The following HIPK3 variants were observed in gnomAD, a reference collection of about 807,000 sequenced individuals.
HIPK3 encodes the protein homeodomain-interacting protein kinase 3.
In HIPK3, 47 loss-of-function variants were observed where a neutral mutation model predicts 124.2. That is an observed-to-expected ratio of 0.38 (90% confidence interval 0.30 to 0.48). HIPK3 has a LOEUF of 0.48. Ranked by LOEUF, HIPK3 falls within the 20% of genes least tolerant of loss-of-function variation. The pLI, the probability that HIPK3 is intolerant of heterozygous loss-of-function variation, is 0.98. For synonymous variants in HIPK3, 482 were observed against 515.2 expected, an observed-to-expected ratio of 0.94 and a Z score of 0.87; for missense variants, 1,286 against 1,454.3, an observed-to-expected ratio of 0.88 and a Z score of 1.88.
At chr11:33,270,892 T>C (rs1192825230) in intron 1 of HIPK3, among the ~76,000 whole-genome samples, 1 of 152,214 alleles carries the variant, frequency 6.6e-6, no homozygotes, top group African/African-American at 2.4e-5. Context: ...GATAAAACAT[T>C]TAACTGACTT....
chr11:33,258,197 G>C (rs1486814824), intron 1 of HIPK3: 1 of 633,528 alleles, frequency 1.6e-6, no homozygotes, highest in Non-Finnish European at 2.0e-6. Flanking sequence ...CGGGGCCCGG[G>C]GGCCTCGGCC....
intron 2 of HIPK3, among the ~76,000 whole-genome samples, chr11:33,304,207 G>C (rs1852087589): frequency 6.6e-6 from 1 of 152,152 alleles, no homozygotes; most frequent in Admixed American, 6.5e-5. Context: ...CCAAAGTGCT[G>C]GGATTATGGG....
At chr11:33,311,837 T>TACACACACACACACACACACACACACAC (rs370396153) in intron 2 of HIPK3, among the ~76,000 whole-genome samples, 3 of 104,406 alleles carry the variant, frequency 2.9e-5, no homozygotes, top group Non-Finnish European at 5.7e-5. Context: ...ACCCTGTTTC[T>TACACACACACACACACACACACACACAC]ACACACACAC....
chr11:33,289,137 A>G (rs1303966431), intron 2 of HIPK3, among the ~76,000 whole-genome samples: 3 of 152,178 alleles, frequency 2.0e-5, no homozygotes, highest in African/African-American at 7.2e-5. Flanking sequence ...ACTTAGTGTT[A>G]GTAAAGCTTA....
At chr11:33,338,055 A>G (rs536773202) in intron 4 of HIPK3, among the ~76,000 whole-genome samples, 1 of 152,128 alleles carries the variant, frequency 6.6e-6, no homozygotes, top group Non-Finnish European at 1.5e-5. Context: ...ATTCATCTTA[A>G]ATTAAAAAAA....
chr11:33,289,665 A>C (rs1851647246), intron 2 of HIPK3, among the ~76,000 whole-genome samples: 1 of 152,166 alleles, frequency 6.6e-6, no homozygotes, highest in African/African-American at 2.4e-5. Flanking sequence ...TGTGTTACAA[A>C]CATTCCAGTT....
chr11:33,318,886 G>T (rs1469202431), intron 2 of HIPK3, among the ~76,000 whole-genome samples: 1 of 152,098 alleles, frequency 6.6e-6, no homozygotes, highest in African/African-American at 2.4e-5. Flanking sequence ...CTGTTCATTT[G>T]GTTTCCTGTG....
rs1205257530 is a variant in HIPK3, at chr11:33,257,398, T to C, written c.-494T>C. 4.1e-6 allele frequency: 4 copies of C among 984,808 alleles called. No individual in the cohort carries two copies. Among genetic ancestry groups the C allele is most frequent in the East Asian group, 2.3e-4 (2 of 8,772 alleles). The allele number at this position is 984,808 out of a possible 1,614,324, so 61.0% of individuals were successfully genotyped here. ...GGGCGGCTGGTGGCAGCTGCCTCAG[T>C]GACGACTGCCGGCATCGCGGCGACC... On this transcript the variant is annotated 5_prime_UTR_variant, in exon 1 of 17. Coordinates refer to ENST00000303296, the MANE Select transcript of HIPK3 (RefSeq NM_005734.5).
intron 1 of HIPK3, among the ~76,000 whole-genome samples, chr11:33,269,001 C>G (rs1851050807): frequency 6.6e-6 from 1 of 152,118 alleles, no homozygotes; most frequent in South Asian, 2.1e-4. Context: ...GGACCATGCT[C>G]TTACCTGTTT....
chr11:33,339,256 T>G, intron 5 of HIPK3, 94 bp from the exon 6 acceptor site: 1 of 846,014 alleles, frequency 1.2e-6, no homozygotes, highest in Non-Finnish European at 1.9e-6. Context: ...TCCTCTCCTG[T>G]GTTGTGATTT....
At position 33,269,227 on chromosome 11, in the gene HIPK3, T is replaced by A. The variant is rs887167350; in HGVS notation, c.-3+11338T>A. On this transcript the variant is annotated intron_variant, in intron 1 of 16. Coordinates refer to ENST00000303296, the MANE Select transcript of HIPK3 (RefSeq NM_005734.5). ...CCTCCTTTATTCCTGCCTCTTTTTT[T>A]ACTTCTAACAGATGAGTCGCTTTCC... Among the ~76,000 whole-genome samples the A allele has an allele frequency of 2.6e-5, 4 of 152,220 alleles. No individual in the cohort carries two copies. The East Asian group carries it at 7.7e-4, about 29-fold the overall frequency.
chr11:33,315,685 A>G (rs899975930), intron 2 of HIPK3, among the ~76,000 whole-genome samples: 1 of 152,346 alleles, frequency 6.6e-6, no homozygotes, highest in Admixed American at 6.5e-5. Flanking sequence ...TTTATAAAAT[A>G]TTAGCTATTG....
At chr11:33,348,407 T>C (rs996185062) in intron 12 of HIPK3, 115 bp from the exon 13 acceptor site, 44 of 1,038,934 alleles carry the variant, frequency 4.2e-5, no homozygotes, top group Non-Finnish European at 5.3e-5. Context: ...TAGTGTGTTA[T>C]ATTCATGAAC....
intron 1 of HIPK3, among the ~76,000 whole-genome samples, chr11:33,264,024 A>G (rs1343039659): frequency 6.6e-6 from 1 of 152,250 alleles, no homozygotes; most frequent in Non-Finnish European, 1.5e-5. Flanking sequence ...TACATCATGT[A>G]TGAATTAAAA....
intron 2 of HIPK3, among the ~76,000 whole-genome samples, chr11:33,294,289 AC>A (rs202155201): frequency 0.48 from 795 of 1,656 alleles, 6 homozygotes; most frequent in Middle Eastern, 0.5. Context: ...ATTTAGGCAT[AC>A]GAAAAAAGTT....
At chr11:33,323,943 T>G (rs1852737128) in intron 2 of HIPK3, among the ~76,000 whole-genome samples, 1 of 152,232 alleles carries the variant, frequency 6.6e-6, no homozygotes, top group African/African-American at 2.4e-5. Flanking sequence ...ATTTGCGCCT[T>G]GACTGTTCTA....
At chr11:33,339,211 G>T (rs1173431325) in intron 5 of HIPK3, 139 bp from the exon 6 acceptor site, 2 of 587,258 alleles carry the variant, frequency 3.4e-6, no homozygotes, top group Non-Finnish European at 6.0e-6. Flanking sequence ...AATATTATTT[G>T]TTCTTCTTTG....
chr11:33,257,321 C>G, upstream of HIPK3: 1 of 983,952 alleles, frequency 1.0e-6, no homozygotes, highest in South Asian at 4.7e-5. Context: ...GGCGGTGGCG[C>G]TGCGGAGGCG....
Position 33,315,653 on chromosome 11 carries a change from G to A in HIPK3, c.1098-12857G>A, listed in dbSNP as rs1852480043. 3.9e-5 allele frequency among the ~76,000 whole-genome samples: 6 copies of A among 152,338 alleles called. No homozygotes were observed. The South Asian group carries it at 1.2e-3, about 32-fold the overall frequency. ...GATGGGATTACAGATGTGAGCCACT[G>A]TGCCTGGCCCTGACTCCTATTTTTA... On this transcript the variant is annotated intron_variant, in intron 2 of 16. Coordinates refer to ENST00000303296, the MANE Select transcript of HIPK3 (RefSeq NM_005734.5).
Sources: allele counts gnomAD v4.1 joint callset (sites outside exome capture counted in the v4.1 genomes callset), GRCh38; gene constraint gnomAD v4.1.1; transcripts MANE v1.5; gene names NCBI Gene and HGNC (gene_info 2026-07-23, HGNC 2026-07-21).